Variants in SPOCK1 observed in about 807,000 individuals in gnomAD.
SPOCK1 encodes testican-1.
SPOCK1 carries 23 observed loss-of-function variants against 55.3 expected under a neutral mutation model. That is an observed-to-expected ratio of 0.42 (90% CI 0.30 to 0.59). SPOCK1 has a LOEUF of 0.59. Among genes scored for constraint, SPOCK1 ranks in the 20% least tolerant of loss-of-function variants. The pLI is 0.22. For synonymous variants in SPOCK1, 226 were observed against 221.0 expected, an observed-to-expected ratio of 1.02 and a Z score of -0.20; for missense variants, 499 against 552.5, an observed-to-expected ratio of 0.90 and a Z score of 0.97.
chr5:137,194,400 G>C lies in SPOCK1; in HGVS notation c.233-53706C>G, dbSNP rs1227784888. On this transcript the variant is annotated intron_variant, in intron 3 of 10. Coordinates refer to ENST00000394945, the MANE Select transcript of SPOCK1 (RefSeq NM_004598.4). ...AGGGAAAGGGAACAGCTCGTACAAG[G>C]GCGCAGGAGTGAGAGAACATGCAGC... 2.0e-5 allele frequency among the ~76,000 whole-genome samples: 3 copies of C among 152,204 alleles called. 1 individual carries two copies. Among genetic ancestry groups the C allele is most frequent in the Non-Finnish European group, 4.4e-5 (3 of 68,040 alleles).
chr5:137,020,714 A>T (rs192793345), intron 6 of SPOCK1, among the ~76,000 whole-genome samples: 25 of 152,114 alleles, frequency 1.6e-4, no homozygotes, highest in Admixed American at 8.5e-4. Context: ...CTATAAATAA[A>T]TTTTTTAAAA....
chr5:137,479,937 C>G (rs1435662673), intron 2 of SPOCK1, among the ~76,000 whole-genome samples: 1 of 152,100 alleles, frequency 6.6e-6, no homozygotes, highest in Non-Finnish European at 1.5e-5. Flanking sequence ...AGAGGGCATA[C>G]CTTGATGGTA....
chr5:136,979,627 G>A (rs2126956702), intron 9 of SPOCK1, 158 bp from the exon 10 acceptor site: 1 of 904,886 alleles, frequency 1.1e-6, no homozygotes, highest in East Asian at 2.6e-5. Flanking sequence ...AAATTACAGG[G>A]CCCTTAACCT....
chr5:137,370,059 A>T (rs1023693759), intron 2 of SPOCK1, among the ~76,000 whole-genome samples: 3 of 152,144 alleles, frequency 2.0e-5, no homozygotes, highest in Non-Finnish European at 4.4e-5. Flanking sequence ...TGGCCCGCTT[A>T]TTCTGGTAGC....
chr5:137,123,085 C>T (rs1400720418), intron 4 of SPOCK1, among the ~76,000 whole-genome samples: 1 of 152,168 alleles, frequency 6.6e-6, no homozygotes, highest in Non-Finnish European at 1.5e-5. Context: ...CACCATTCCC[C>T]ATAAGACATT....
intron 2 of SPOCK1, among the ~76,000 whole-genome samples, chr5:137,281,258 T>A (rs960503736): frequency 6.6e-6 from 1 of 152,192 alleles, no homozygotes; most frequent in African/African-American, 2.4e-5. Context: ...CATTTTTACA[T>A]GAATTCACAT....
At chr5:137,446,403 A>G (rs1753128712) in intron 2 of SPOCK1, among the ~76,000 whole-genome samples, 1 of 152,160 alleles carries the variant, frequency 6.6e-6, no homozygotes, top group African/African-American at 2.4e-5. Flanking sequence ...AGATGCTAAG[A>G]GACAGGAAGA....
chr5:137,407,852 A>G (rs907328968), intron 2 of SPOCK1, among the ~76,000 whole-genome samples: 1 of 152,128 alleles, frequency 6.6e-6, no homozygotes, highest in Admixed American at 6.5e-5. Flanking sequence ...ATTAAAACCC[A>G]TTGGTGCTTT....
At chr5:137,424,447 C>G (rs920257703) in intron 2 of SPOCK1, among the ~76,000 whole-genome samples, 3 of 152,140 alleles carry the variant, frequency 2.0e-5, no homozygotes, top group Non-Finnish European at 4.4e-5. Flanking sequence ...CTATTTTGTT[C>G]CATTGATCTA....
chr5:137,435,233 T>C (rs1320861642), intron 2 of SPOCK1, among the ~76,000 whole-genome samples: 1 of 152,256 alleles, frequency 6.6e-6, no homozygotes, highest in Non-Finnish European at 1.5e-5. Context: ...TTCACATAGA[T>C]AAACCTATGG....
At chr5:137,089,374 T>C (rs557263230) in intron 5 of SPOCK1, among the ~76,000 whole-genome samples, 31 of 152,296 alleles carry the variant, frequency 2.0e-4, no homozygotes, top group African/African-American at 6.7e-4. Context: ...CCATCTCATA[T>C]GGAATATAGC....
intron 2 of SPOCK1, among the ~76,000 whole-genome samples, chr5:137,373,694 AC>A (rs1033556508): frequency 2.0e-5 from 3 of 152,152 alleles, no homozygotes; most frequent in Non-Finnish European, 4.4e-5. Context: ...GTACATATAA[AC>A]ACTGAGCTCA....
rs1353626247 is a variant in SPOCK1 at position 136,977,824 on chromosome 5, C to CTGTT, written c.*826_*829dup. Reference sequence around the variant, plus strand: ...TCAGCCTGCAGGCTACAAGAGCCAACTGTTAGTGCAAAAAAGGACTTTAAT... The same window carrying CTGTT: ...TCAGCCTGCAGGCTACAAGAGCCAACTGTTTGTTAGTGCAAAAAAGGACTTTAAT... On this transcript the variant is annotated 3_prime_UTR_variant, in exon 11 of 11. Transcript: ENST00000394945. 6 of 398,906 alleles carry CTGTT rather than the reference C, an allele frequency of 1.5e-5. No individual in the cohort carries two copies. The highest frequency in any genetic ancestry group is 1.3e-4 in the South Asian group (1 of 7,856). 24.7% of individuals were successfully genotyped at this position (398,906 alleles called of 1,614,324 possible).
At chr5:137,097,500 T>C (rs1242996913) in intron 5 of SPOCK1, among the ~76,000 whole-genome samples, 1 of 152,142 alleles carries the variant, frequency 6.6e-6, no homozygotes, top group Non-Finnish European at 1.5e-5. Context: ...CAGCATCCTG[T>C]ACACAGACTG....
intron 3 of SPOCK1, among the ~76,000 whole-genome samples, chr5:137,205,992 A>G (rs538049930): frequency 1.2e-3 from 186 of 152,324 alleles, no homozygotes; most frequent in Non-Finnish European, 2.2e-3. Context: ...AATATCTACA[A>G]TGGCAAAGCC....
intron 6 of SPOCK1, among the ~76,000 whole-genome samples, chr5:137,009,822 ACT>A (rs1285183536): frequency 6.6e-6 from 1 of 152,068 alleles, no homozygotes; most frequent in African/African-American, 2.4e-5. Context: ...TAAATCAGAC[ACT>A]CTGGGGGATA....
intron 3 of SPOCK1, among the ~76,000 whole-genome samples, chr5:137,257,505 C>T (rs1478677120): frequency 6.6e-6 from 1 of 152,172 alleles, no homozygotes; most frequent in Non-Finnish European, 1.5e-5. Flanking sequence ...CCCTCACCAG[C>T]ACCCAGTTAT....
At chr5:137,390,752 G>A (rs1406598824) in intron 2 of SPOCK1, among the ~76,000 whole-genome samples, 1 of 152,210 alleles carries the variant, frequency 6.6e-6, no homozygotes, top group African/African-American at 2.4e-5. Context: ...AAGGCATGGT[G>A]TCAGGGCCAG....
At chr5:136,989,860 T>C (rs186883119) in intron 7 of SPOCK1, among the ~76,000 whole-genome samples, 26 of 152,212 alleles carry the variant, frequency 1.7e-4, no homozygotes, top group African/African-American at 5.5e-4. Flanking sequence ...TAAGTTTCTA[T>C]GTGAATCACT....
Sources: allele counts gnomAD v4.1 joint callset (sites outside exome capture counted in the v4.1 genomes callset), GRCh38; gene constraint gnomAD v4.1.1; transcripts MANE v1.5; gene names NCBI Gene and HGNC (gene_info 2026-07-23, HGNC 2026-07-21).